Variants in L3MBTL4 observed in about 807,000 individuals in gnomAD.
The protein encoded by L3MBTL4 is L3MBTL histone methyl-lysine binding protein 4.
A neutral mutation model predicts 84.5 loss-of-function variants in L3MBTL4; 70 were observed. The ratio of observed to expected loss-of-function variants is 0.83; its 90% CI spans 0.68 to 1.01. The LOEUF (loss-of-function observed/expected upper bound fraction) is 1.01. Ranked by LOEUF, L3MBTL4 falls within the 50% of genes least tolerant of loss-of-function variation. L3MBTL4 has a pLI of 0.00. For missense variants in L3MBTL4, 715 were observed against 754.8 expected, an observed-to-expected ratio of 0.95 and a Z score of 0.62; for synonymous variants, 274 against 259.8, an observed-to-expected ratio of 1.05 and a Z score of -0.52.
At chr18:6,075,677 C>T (rs948179166) in intron 16 of L3MBTL4, among the ~76,000 whole-genome samples, 1 of 152,024 alleles carries the variant, frequency 6.6e-6, no homozygotes, top group Non-Finnish European at 1.5e-5. Flanking sequence ...ATATTAAAAT[C>T]TGGAATTTGC....
At position 6,391,753 on chromosome 18, in the gene L3MBTL4, A is replaced by G. The variant is rs185110689; in HGVS notation, c.-91+23048T>C. Among the ~76,000 whole-genome samples the G allele has an allele frequency of 3.7e-3, 325 of 88,374 alleles. 3 individuals carry two copies. The highest frequency in any genetic ancestry group is 5.3e-3 in the Middle Eastern group (1 of 188). The allele number at this position is 88,374 out of a possible 152,430, so 58.0% of individuals were successfully genotyped here. On this transcript the variant is annotated intron_variant, in intron 1 of 18. Coordinates refer to ENST00000317931, the MANE Select transcript of L3MBTL4 (RefSeq NM_001330559.2). ...ACAACATCTGCAAACAACAACAACA[A>G]CTACTACTACTACTACTACTACTAC...
intron 16 of L3MBTL4, among the ~76,000 whole-genome samples, chr18:5,972,672 T>A (rs745806562): frequency 6.6e-6 from 1 of 152,126 alleles, no homozygotes; most frequent in Non-Finnish European, 1.5e-5. Context: ...CTACAGCTGA[T>A]GATTTTGGGG....
In L3MBTL4 at chr18:6,198,541, AGTGT is replaced by A. The variant is rs369831345; in HGVS notation, c.981+14604_981+14607del. Among the ~76,000 whole-genome samples, 400 of 152,286 alleles carry A rather than the reference AGTGT, an allele frequency of 2.6e-3. 2 individuals carry two copies. The highest frequency in any genetic ancestry group is 9.2e-3 in the African/African-American group (383 of 41,566). Reference sequence around the variant, plus strand: ...CATGGATCTAAAGACGTTAATTTCTAGTGTGTATTTTTCTTCACGTTCCTTTGTC... The same window carrying A: ...CATGGATCTAAAGACGTTAATTTCTAGTATTTTTCTTCACGTTCCTTTGTC... On this transcript the variant is annotated intron_variant, in intron 12 of 18. Coordinates refer to ENST00000317931, the MANE Select transcript of L3MBTL4 (RefSeq NM_001330559.2).
Position 6,342,037 on chromosome 18 carries a change from T to C in L3MBTL4, c.-90-29981A>G, listed in dbSNP as rs574474939. 3.3e-5 allele frequency among the ~76,000 whole-genome samples: 5 copies of C among 152,182 alleles called. No homozygotes were observed. In the East Asian group the frequency reaches 9.7e-4, roughly 29 times the overall value. Reference sequence around the variant, plus strand: ...AGCCAACTAAAAATACAACAAAAGGTGTCCTTAAGAAATAGAGACAGAAAC... The same window carrying C: ...AGCCAACTAAAAATACAACAAAAGGCGTCCTTAAGAAATAGAGACAGAAAC... On this transcript the variant is annotated intron_variant, in intron 1 of 18. Transcript: ENST00000317931.
chr18:6,018,868 C>T (rs1013520798), intron 16 of L3MBTL4, among the ~76,000 whole-genome samples: 3 of 152,186 alleles, frequency 2.0e-5, no homozygotes, highest in Admixed American at 6.5e-5. Flanking sequence ...CCTGAGGCTA[C>T]GCAAGTTAAT....
intron 12 of L3MBTL4, among the ~76,000 whole-genome samples, chr18:6,177,050 T>C (rs1193712900): frequency 6.6e-6 from 1 of 152,162 alleles, no homozygotes; most frequent in Admixed American, 6.5e-5. Flanking sequence ...GGGTGTAAAA[T>C]TGCACAACCA....
chr18:6,071,871 AAAGG>A (rs1010425728), intron 16 of L3MBTL4, among the ~76,000 whole-genome samples: 13 of 151,806 alleles, frequency 8.6e-5, no homozygotes, highest in South Asian at 8.3e-4. Flanking sequence ...AGGAAGGAAG[AAAGG>A]AAGGAAGGAA....
intron 5 of L3MBTL4, among the ~76,000 whole-genome samples, chr18:6,249,580 T>C (rs1568379752): frequency 6.6e-6 from 1 of 152,140 alleles, no homozygotes; most frequent in Non-Finnish European, 1.5e-5. Context: ...AAATAAAAAA[T>C]AAAACGTTCA....
chr18:6,251,264 T>C (rs2047911830), intron 5 of L3MBTL4, among the ~76,000 whole-genome samples: 1 of 152,256 alleles, frequency 6.6e-6, no homozygotes, highest in African/African-American at 2.4e-5. Context: ...GAAAAGATTT[T>C]ATGTTTGGTC....
Position 6,171,825 on chromosome 18 carries a change from C to A in L3MBTL4, c.1096+3G>T. 1.3e-6 allele frequency: 2 copies of A among 1,514,158 alleles called. No individual in the cohort carries two copies. Among genetic ancestry groups the A allele is most frequent in the Non-Finnish European group, 1.8e-6 (2 of 1,116,680 alleles). The allele number at this position is 1,514,158 out of a possible 1,614,324, so 93.8% of individuals were successfully genotyped here. ...AAGCAACAACAAAGAGCAAAGTACT[C>A]ACGCTGTGGCACTTCCAGTGGATGC... is the stretch of plus-strand genomic sequence containing the variant. On this transcript the variant is annotated splice_donor_region_variant and intron_variant, in intron 13 of 18. Transcript: ENST00000317931.
At chr18:6,304,016 A>G (rs916141582) in intron 3 of L3MBTL4, among the ~76,000 whole-genome samples, 1 of 143,472 alleles carries the variant, frequency 7.0e-6, no homozygotes, top group African/African-American at 2.6e-5. Context: ...CTCCATCTCA[A>G]AAAAAAAAAA....
chr18:6,318,493 G>GA (rs1568484410), intron 1 of L3MBTL4, among the ~76,000 whole-genome samples: 1 of 2,842 alleles, frequency 3.5e-4, no homozygotes, highest in Non-Finnish European at 6.6e-4. Context: ...AACAACAATA[G>GA]TAAAAAAAAA....
intron 12 of L3MBTL4, among the ~76,000 whole-genome samples, chr18:6,190,462 T>C (rs1459317024): frequency 6.6e-6 from 1 of 152,200 alleles, no homozygotes; most frequent in African/African-American, 2.4e-5. Context: ...CAGGAATGGG[T>C]CTGCAAATAT....
At chr18:6,288,946 A>T (rs2049718461) in intron 4 of L3MBTL4, among the ~76,000 whole-genome samples, 1 of 151,904 alleles carries the variant, frequency 6.6e-6, no homozygotes, top group Non-Finnish European at 1.5e-5. Context: ...CTGAATAAAT[A>T]TAAGTCCCTT....
At chr18:5,984,180 G>A (rs9945935) in intron 16 of L3MBTL4, among the ~76,000 whole-genome samples, 15,411 of 152,176 alleles carry the variant, frequency 0.1, 1,928 homozygotes, top group African/African-American at 0.28. Context: ...CCAAAGTGCT[G>A]GGATTATAGG....
intron 12 of L3MBTL4, among the ~76,000 whole-genome samples, chr18:6,187,196 G>C (rs2044817045): frequency 6.6e-6 from 1 of 152,258 alleles, no homozygotes; most frequent in Admixed American, 6.5e-5. Context: ...TAAACTCAAG[G>C]TAGATGCTGT....
intron 4 of L3MBTL4, among the ~76,000 whole-genome samples, chr18:6,265,664 T>C (rs563958564): frequency 6.6e-6 from 1 of 152,286 alleles, no homozygotes; most frequent in Middle Eastern, 3.4e-3. Flanking sequence ...CTGTTTTGTG[T>C]CCTTACTTAT....
intron 1 of L3MBTL4, among the ~76,000 whole-genome samples, chr18:6,316,975 C>T (rs2051138077): frequency 6.6e-6 from 1 of 151,576 alleles, no homozygotes; most frequent in Non-Finnish European, 1.5e-5. Flanking sequence ...ACTATTCAAC[C>T]CAGTAAATAA....
At chr18:6,133,537 T>C (rs2059939852) in intron 14 of L3MBTL4, among the ~76,000 whole-genome samples, 1 of 152,092 alleles carries the variant, frequency 6.6e-6, no homozygotes, top group Non-Finnish European at 1.5e-5. Flanking sequence ...TCCTTTTTCC[T>C]GGTTTCCTCC....
Sources: gnomAD v4.1 joint callset for allele counts (sites outside exome capture counted in the v4.1 genomes callset) on GRCh38, gnomAD v4.1.1 for gene constraint, MANE v1.5 for transcripts, NCBI Gene and HGNC (gene_info 2026-07-23, HGNC 2026-07-21) for gene names.